The following ADAMTS12 variants were observed in gnomAD, a reference collection of about 807,000 sequenced individuals.
ADAMTS12 encodes the protein ADAM metallopeptidase with thrombospondin type 1 motif 12, also known as A disintegrin and metalloproteinase with thrombospondin motifs 12.
In ADAMTS12, 118 loss-of-function variants were observed where a neutral mutation model predicts 167.8. The ratio of observed to expected loss-of-function variants is 0.70; its 90% CI spans 0.61 to 0.82. ADAMTS12 has a LOEUF of 0.82. ADAMTS12 is among the 40% of genes least tolerant of loss of function. The pLI is 0.00. For missense variants in ADAMTS12, 1,916 were observed against 1,998.8 expected, an observed-to-expected ratio of 0.96 and a Z score of 0.79; for synonymous variants, 704 against 716.9, an observed-to-expected ratio of 0.98 and a Z score of 0.29.
intron 1 of ADAMTS12, among the ~76,000 whole-genome samples, chr5:33,884,372 A>G (rs920300512): frequency 6.6e-6 from 1 of 150,994 alleles, no homozygotes; most frequent in Non-Finnish European, 1.5e-5. Flanking sequence ...CATCCCCTTC[A>G]CTCCCATCCC....
intron 2 of ADAMTS12, among the ~76,000 whole-genome samples, chr5:33,752,205 G>T (rs144823062): frequency 1.3e-5 from 2 of 152,322 alleles, no homozygotes; most frequent in African/African-American, 4.8e-5. Flanking sequence ...ACTCCTTTTA[G>T]AGGTCAGGTC....
At chr5:33,610,739 T>G (rs1430369738) in intron 16 of ADAMTS12, among the ~76,000 whole-genome samples, 1 of 152,188 alleles carries the variant, frequency 6.6e-6, no homozygotes. Flanking sequence ...TCATGATATA[T>G]TCACGGAACG....
intron 2 of ADAMTS12, among the ~76,000 whole-genome samples, chr5:33,767,133 A>C (rs548615490): frequency 1.4e-4 from 22 of 152,334 alleles, no homozygotes; most frequent in African/African-American, 4.8e-4. Context: ...ATTTTTAACG[A>C]CATGGAAAAA....
chr5:33,536,085 T>C (rs1744389967), intron 22 of ADAMTS12, among the ~76,000 whole-genome samples: 1 of 152,214 alleles, frequency 6.6e-6, no homozygotes, highest in Non-Finnish European at 1.5e-5. Flanking sequence ...CCACATATGC[T>C]CTTTTCTTAA....
intron 22 of ADAMTS12, among the ~76,000 whole-genome samples, chr5:33,544,888 A>G (rs1210274373): frequency 6.7e-6 from 1 of 148,912 alleles, no homozygotes; most frequent in Non-Finnish European, 1.5e-5. Flanking sequence ...TAAATGTTAG[A>G]CCTAAAACCA....
chr5:33,804,887 T>G lies in ADAMTS12; in HGVS notation c.490-53339A>C, dbSNP rs193163897. On this transcript the variant is annotated intron_variant, in intron 2 of 23. Transcript: ENST00000504830. ...AACATTGTACTCCAAGAAATCATAG[T>G]AAGAAAACCCTGCACTACAGAATAA... Among the ~76,000 whole-genome samples the G allele has an allele frequency of 2.4e-4, 37 of 152,048 alleles. No homozygotes were observed. The East Asian group carries it at 6.4e-3, about 26-fold the overall frequency.
At chr5:33,751,330 G>T in intron 3 of ADAMTS12, 74 bp downstream of exon 3, 1 of 1,587,212 alleles carries the variant, frequency 6.3e-7, no homozygotes, top group Non-Finnish European at 8.6e-7. Context: ...AGTAAGAATA[G>T]GTCATGTTTT....
In ADAMTS12 at chr5:33,883,677, T is replaced by C. The variant is rs529978346; in HGVS notation, c.128-2197A>G. ...AGAACACACTGGAACAAGAAATACA[T>C]ATGGAACCCATTAAAATGGTTTTCC... On this transcript the variant is annotated intron_variant, in intron 1 of 23. Coordinates refer to ENST00000504830, the MANE Select transcript of ADAMTS12 (RefSeq NM_030955.4). Among the ~76,000 whole-genome samples the C allele has an allele frequency of 2.0e-5, 3 of 152,258 alleles. No individual in the cohort carries two copies. In the East Asian group the frequency reaches 5.8e-4, roughly 29 times the overall value.
At chr5:33,777,566 T>TA (rs1419854488) in intron 2 of ADAMTS12, among the ~76,000 whole-genome samples, 3 of 152,036 alleles carry the variant, frequency 2.0e-5, no homozygotes, top group Non-Finnish European at 4.4e-5. Flanking sequence ...GGCCCTCAGC[T>TA]AACAGACTAA....
intron 10 of ADAMTS12, 122 bp downstream of exon 10, chr5:33,643,256 T>A: frequency 1.1e-6 from 1 of 921,356 alleles, no homozygotes; most frequent in East Asian, 2.4e-5. Flanking sequence ...CTGGTCTGAC[T>A]GTTTGACCTC....
intron 2 of ADAMTS12, among the ~76,000 whole-genome samples, chr5:33,762,317 G>T (rs1364025727): frequency 6.6e-6 from 1 of 151,994 alleles, no homozygotes; most frequent in African/African-American, 2.4e-5. Flanking sequence ...GACCATCCTG[G>T]CTAACACGGT....
intron 2 of ADAMTS12, among the ~76,000 whole-genome samples, chr5:33,761,665 G>A (rs923587070): frequency 1.3e-5 from 2 of 152,066 alleles, no homozygotes; most frequent in African/African-American, 4.8e-5. Context: ...ACCCACACCC[G>A]CTGTCTCCAT....
At chr5:33,623,648 C>T (rs1739437274) in intron 14 of ADAMTS12, among the ~76,000 whole-genome samples, 1 of 152,164 alleles carries the variant, frequency 6.6e-6, no homozygotes, top group Non-Finnish European at 1.5e-5. Flanking sequence ...GAGGAGCTGT[C>T]TGGAAATTCA....
intron 3 of ADAMTS12, among the ~76,000 whole-genome samples, chr5:33,700,856 T>TA (rs1742976648): frequency 6.7e-6 from 1 of 149,266 alleles, no homozygotes; most frequent in Admixed American, 6.7e-5. Flanking sequence ...TATACAATTA[T>TA]CTCAGTAATA....
In ADAMTS12 at chr5:33,757,835, G is replaced by A. The variant is rs530202482; in HGVS notation, c.490-6287C>T. ...GTTATGACTATCAGAGACACTATACGTAAAATGTCTAGCAGAGGTCTTGAC... is the reference window on the plus strand; with the variant it reads ...GTTATGACTATCAGAGACACTATACATAAAATGTCTAGCAGAGGTCTTGAC... On this transcript the variant is annotated intron_variant, in intron 2 of 23. Transcript: ENST00000504830. 7.9e-5 allele frequency among the ~76,000 whole-genome samples: 12 copies of A among 152,226 alleles called. No homozygotes were observed. In the East Asian group the frequency reaches 1.2e-3, roughly 15 times the overall value.
chr5:33,658,393 G>GA, intron 6 of ADAMTS12, 60 bp from the exon 7 acceptor site: 1 of 1,585,358 alleles, frequency 6.3e-7, no homozygotes, highest in Middle Eastern at 1.8e-4. Flanking sequence ...AAACCTCCTG[G>GA]AAAAAAATCT....
rs193018452 is a variant in ADAMTS12 at position 33,611,688 on chromosome 5, A to T, written c.2527+2550T>A. The stretch of plus-strand genomic sequence containing the variant: ...ACACAGGTCCCTAAATGCTCATCAG[A>T]AGAACAGCAATAAGGAATTGGTTAA... On this transcript the variant is annotated intron_variant, in intron 16 of 23. Coordinates refer to ENST00000504830, the MANE Select transcript of ADAMTS12 (RefSeq NM_030955.4). Among the ~76,000 whole-genome samples the T allele has an allele frequency of 7.1e-3, 1,076 of 152,324 alleles. 7 individuals carry two copies. The highest frequency in any genetic ancestry group is 0.024 in the Middle Eastern group (7 of 294).
intron 10 of ADAMTS12, 40 bp from the exon 11 acceptor site, chr5:33,641,995 G>C: frequency 1.3e-6 from 2 of 1,572,478 alleles, no homozygotes; most frequent in Non-Finnish European, 1.7e-6. Flanking sequence ...TATCAGGAAG[G>C]TTACCAGAGC....
At chr5:33,674,363 T>G (rs1447328884) in intron 5 of ADAMTS12, among the ~76,000 whole-genome samples, 1 of 152,198 alleles carries the variant, frequency 6.6e-6, no homozygotes, top group Non-Finnish European at 1.5e-5. Context: ...TAGTAGAAGA[T>G]TCTACATGGG....
Sources: allele counts gnomAD v4.1 joint callset (sites outside exome capture counted in the v4.1 genomes callset), GRCh38; gene constraint gnomAD v4.1.1; transcripts MANE v1.5; gene names NCBI Gene and HGNC (gene_info 2026-07-23, HGNC 2026-07-21).